The following PCDHGB4 variants were observed in gnomAD, a reference collection of about 807,000 sequenced individuals.
The protein encoded by PCDHGB4 is protocadherin gamma subfamily B, 4.
PCDHGB4 carries 38 observed loss-of-function variants against 60.5 expected under a neutral mutation model. The observed-to-expected ratio is 0.63, with a 90% confidence interval of 0.48 to 0.82. The LOEUF is 0.82. PCDHGB4 is among the 40% of genes least tolerant of loss of function. The pLI is 0.00. For missense variants in PCDHGB4, 1,109 were observed against 1,209.6 expected (o/e 0.92, Z 1.23); for synonymous variants, 456 against 509.7 (o/e 0.89, Z 1.42).
chr5:141,490,473 T>C lies in PCDHGB4; in HGVS notation c.2398-4334T>C. 6.2e-7 allele frequency: 1 copy of C among 1,614,228 alleles called. No homozygotes were observed. Among genetic ancestry groups the C allele is most frequent in the East Asian group, 2.2e-5 (1 of 44,878 alleles). On this transcript the variant is annotated intron_variant, in intron 1 of 3. Transcript: ENST00000519479. This position sits in a 1 kb window ranked among gnomAD's most constrained non-coding sequence, Gnocchi z 5.4. ...ACTACTCGCTGCTAACCAGCCAGCC[T>C]TTGGACCGGGAGGCCACATCCCACT...
At chr5:141,496,844 T>G (rs1275272674) in intron 2 of PCDHGB4, among the ~76,000 whole-genome samples, 2 of 150,852 alleles carry the variant, frequency 1.3e-5, no homozygotes, top group Non-Finnish European at 2.9e-5. Context: ...CTCATAGGCT[T>G]CCAGACCAGC....
intron 1 of PCDHGB4, chr5:141,414,638 A>G: frequency 6.2e-7 from 1 of 1,613,988 alleles, no homozygotes; most frequent in Non-Finnish European, 8.5e-7. Flanking sequence ...AGCAAAGAGA[A>G]TGCCCAGATT....
At position 141,388,616 on chromosome 5, in the gene PCDHGB4, A is replaced by C; in HGVS notation, c.732A>C (p.Gln244His). 6.2e-7 allele frequency: 1 copy of C among 1,613,938 alleles called. No individual in the cohort carries two copies. The highest frequency in any genetic ancestry group is 8.5e-7 in the Non-Finnish European group (1 of 1,179,896). ...ATGATAATGCTCCAGTGTTCAGTCA[A>C]GACGTATACAGGGTGAGCCTTTCAG... The part of the protein sequence containing the change: ...DANDNAPVFS[Q>H]DVYRVSLSEN... The change falls in exon 1 of 4, where the codon CAA (glutamine) becomes CAC (histidine). Residue 244 changes from glutamine (Q) to histidine (H), a missense_variant. By Grantham distance (24) the Gln-to-His change is conservative (BLOSUM62 0). Around this residue, in one of 2 missense-constraint regions of PCDHGB4, gnomAD observed 1,068 missense variants for 1,089.9 expected, o/e 0.98. Transcript: ENST00000519479.
chr5:141,403,788 A>G, intron 1 of PCDHGB4: 3 of 1,613,956 alleles, frequency 1.9e-6, no homozygotes, highest in South Asian at 1.1e-5. Context: ...AAAGTGGCAT[A>G]CAAATTCTGG....
chr5:141,422,926 G>GC, intron 1 of PCDHGB4: 1 of 1,614,230 alleles, frequency 6.2e-7, no homozygotes, highest in African/African-American at 1.3e-5. Context: ...CCTGTACCCT[G>GC]CCCTCCCCAC....
intron 1 of PCDHGB4, chr5:141,428,270 C>T (rs1353416356): frequency 1.3e-6 from 1 of 778,952 alleles, no homozygotes. Flanking sequence ...AGTCCTGTGC[C>T]CTCTGATTCC....
chr5:141,423,746 T>G, intron 1 of PCDHGB4: 2 of 384,794 alleles, frequency 5.2e-6, no homozygotes, highest in Non-Finnish European at 6.6e-6. Flanking sequence ...TTATGAAAAC[T>G]GTTTGGGGGG....
intron 1 of PCDHGB4, chr5:141,408,349 C>T: frequency 6.2e-7 from 1 of 1,613,924 alleles, no homozygotes; most frequent in Non-Finnish European, 8.5e-7. Context: ...TGGTGGGGAA[C>T]CTCGCTAAGG....
chr5:141,428,443 G>T (rs1004000862), intron 1 of PCDHGB4: 5 of 383,870 alleles, frequency 1.3e-5, no homozygotes, highest in Non-Finnish European at 2.0e-5. Context: ...TAGACCAGGG[G>T]TTTTTCCCAA....
chr5:141,409,546 C>T lies in PCDHGB4; in HGVS notation c.2397+19265C>T, dbSNP rs775680397. 19 of 1,613,880 alleles carry T rather than the reference C, an allele frequency of 1.2e-5. No individual in the cohort carries two copies. The South Asian group carries it at 2.0e-4, about 17-fold the overall frequency. ...TGTATGTCGCTGACATCAACGACAA[C>T]GCCCCAGTTTTCGACCAGACGTCCT... On this transcript the variant is annotated intron_variant, in intron 1 of 3. Coordinates refer to ENST00000519479, the MANE Select transcript of PCDHGB4 (RefSeq NM_003736.4).
At chr5:141,433,332 T>C (rs1344429296) in intron 1 of PCDHGB4, 7 of 694,580 alleles carry the variant, frequency 1.0e-5, no homozygotes, top group Non-Finnish European at 1.7e-5. Context: ...TAACAGGGAC[T>C]ACAGGTGCAA....
In PCDHGB4 at chr5:141,389,988, C is replaced by G; in HGVS notation, c.2104C>G (p.Leu702Val). Residue 702 changes from leucine (L) to valine (V), a missense_variant, in exon 1 of 4, where the codon CTC becomes GTC. Around this residue, in one of 2 missense-constraint regions of PCDHGB4, gnomAD observed 1,068 missense variants for 1,089.9 expected, o/e 0.98. Transcript: ENST00000519479. ...CTTGGCCTTGATCTCAGTGCTCTTC[C>G]TCGTGGCCATGATTCTGGCCATTGC... ...VALALISVLF[L>V]VAMILAIALR... is the part of the protein sequence containing the mutation. 1 of 1,614,036 alleles carries G rather than the reference C, an allele frequency of 6.2e-7. No homozygotes were observed. The highest frequency in any genetic ancestry group is 1.1e-5 in the South Asian group (1 of 91,086).
chr5:141,495,465 G>A (rs563411010), intron 2 of PCDHGB4, among the ~76,000 whole-genome samples: 3 of 152,182 alleles, frequency 2.0e-5, no homozygotes, highest in Non-Finnish European at 2.9e-5. Context: ...TGTCTGTGGG[G>A]TCTCCGTGTC....
At chr5:141,467,285 T>G (rs6870144) in intron 1 of PCDHGB4, among the ~76,000 whole-genome samples, 42,564 of 152,010 alleles carry the variant, frequency 0.28, 6,785 homozygotes, top group African/African-American at 0.45. Context: ...ACTCTTGACC[T>G]CAAGTGATCC....
intron 3 of PCDHGB4, among the ~76,000 whole-genome samples, chr5:141,507,625 G>C (rs2099862215): frequency 6.6e-6 from 1 of 152,256 alleles, no homozygotes; most frequent in Non-Finnish European, 1.5e-5. Context: ...AGCTGTTGTG[G>C]CCTTGCGCCC....
intron 1 of PCDHGB4, chr5:141,392,144 A>G (rs1172213450): frequency 6.6e-6 from 1 of 152,224 alleles, no homozygotes; most frequent in Admixed American, 6.5e-5. Flanking sequence ...AGTAGTTTAA[A>G]CCAAATAAAA....
At chr5:141,484,392 T>G (rs1454201773) in intron 1 of PCDHGB4, among the ~76,000 whole-genome samples, 1 of 152,162 alleles carries the variant, frequency 6.6e-6, no homozygotes, top group African/African-American at 2.4e-5. Flanking sequence ...TAAGAAAGGT[T>G]TGGTTTCCGC....
At chr5:141,492,189 G>A (rs2099737936) in intron 1 of PCDHGB4, among the ~76,000 whole-genome samples, 1 of 152,204 alleles carries the variant, frequency 6.6e-6, no homozygotes, top group East Asian at 1.9e-4. Flanking sequence ...GCACCTGTCT[G>A]CGGGACTTAG....
chr5:141,408,398 C>A, intron 1 of PCDHGB4: 3 of 1,614,028 alleles, frequency 1.9e-6, no homozygotes, highest in Non-Finnish European at 2.5e-6. Context: ...GGCTCGCAAG[C>A]TGCGAGTGAG....
Sources: allele counts gnomAD v4.1 joint callset (sites outside exome capture counted in the v4.1 genomes callset), GRCh38; gene constraint gnomAD v4.1.1; regional missense constraint gnomAD v4.1.1; non-coding constraint Gnocchi (gnomAD v3.1); transcripts MANE v1.5; gene names NCBI Gene and HGNC (gene_info 2026-07-23, HGNC 2026-07-21).